The following NINL variants were observed in gnomAD, a reference collection of about 807,000 sequenced individuals.
The protein encoded by NINL is ninein-like protein.
NINL carries 153 observed loss-of-function variants against 160.3 expected under a neutral mutation model. The ratio of observed to expected loss-of-function variants is 0.95; its 90% CI spans 0.84 to 1.09. The LOEUF (loss-of-function observed/expected upper bound fraction) is 1.09, where lower values mean the gene tolerates loss of function less well. Among genes scored for constraint, NINL ranks in the 50% least tolerant of loss-of-function variants. NINL has a pLI of 0.00. For missense variants in NINL, 1,829 were observed against 1,764.0 expected, an observed-to-expected ratio of 1.04 and a Z score of -0.66; for synonymous variants, 800 against 734.8, an observed-to-expected ratio of 1.09 and a Z score of -1.43.
chr20:25,490,219 C>CT (rs2063596475), intron 11 of NINL, among the ~76,000 whole-genome samples: 1 of 152,230 alleles, frequency 6.6e-6, no homozygotes, highest in Non-Finnish European at 1.5e-5. Flanking sequence ...CTTCACTTCT[C>CT]TTGTCCCCTC....
chr20:25,554,487 C>T (rs1427111550), intron 1 of NINL, among the ~76,000 whole-genome samples: 1 of 151,924 alleles, frequency 6.6e-6, no homozygotes, highest in Non-Finnish European at 1.5e-5. Context: ...ACAATTTATA[C>T]AAAACCTATG....
At position 25,482,083 on chromosome 20, in the gene NINL, G is replaced by A. The variant is rs146051096; in HGVS notation, c.1695C>T (p.Asn565=). The change falls in exon 14 of 24, where the codon AAC becomes AAT. Residue 565 remains asparagine, a synonymous_variant. Coordinates refer to ENST00000278886, the MANE Select transcript of NINL (RefSeq NM_025176.6). The stretch of plus-strand genomic sequence containing the variant: ...CTTCCAGCTCAGCTTGCAGCTCATC[G>A]TTGCGGTCCTGCAGGTCCTGTGGGG... The part of the protein sequence containing the change: ...ELKCRDLQDR[N]DELQAELEGL... 13 of 1,597,908 alleles carry A rather than the reference G, an allele frequency of 8.1e-6. No individual in the cohort carries two copies. Among genetic ancestry groups the A allele is most frequent in the Middle Eastern group, 1.8e-4 (1 of 5,678 alleles).
At position 25,466,819 on chromosome 20, in the gene NINL, T is replaced by G. The variant is rs140111415; in HGVS notation, c.3423+570A>C. 2.2e-3 allele frequency among the ~76,000 whole-genome samples: 334 copies of G among 150,488 alleles called. 3 individuals carry two copies. The highest frequency in any genetic ancestry group is 7.7e-3 in the African/African-American group (313 of 40,864). The stretch of plus-strand genomic sequence containing the variant: ...TGTCTCAAAAAAAACCCCCAAAATT[T>G]GGGGAGTGTCCAGGCAGTGTTTGAC... On this transcript the variant is annotated intron_variant, in intron 19 of 23. Transcript: ENST00000278886.
chr20:25,470,262 G>A (rs535217767), intron 17 of NINL, among the ~76,000 whole-genome samples, 167 bp from the exon 18 acceptor site: 34 of 152,266 alleles, frequency 2.2e-4, no homozygotes, highest in African/African-American at 7.5e-4. Context: ...AGGTGTTAAC[G>A]TCTTACATCT....
Position 25,476,889 on chromosome 20 carries a change from G to T in NINL, c.2402C>A (p.Ser801Ter). The change falls in exon 17 of 24, where the codon TCG (serine) becomes TAG (stop). Residue 801 changes from serine (S) to a stop codon, truncating the protein, a stop_gained. Coordinates refer to ENST00000278886, the MANE Select transcript of NINL (RefSeq NM_025176.6). LOFTEE classifies it high-confidence loss of function. ...CAACTCCTCCTCCTCGAGGGCCAAC[G>T]ATACGCACATCTGGGCGCGCTTCTC... ...ASEKRAQMCV[S>*]LALEEEELEL... The T allele has an allele frequency of 6.2e-7, 1 of 1,613,318 alleles. No individual in the cohort carries two copies. The highest frequency in any genetic ancestry group is 8.5e-7 in the Non-Finnish European group (1 of 1,179,912).
chr20:25,529,418 A>G (rs925698941), intron 1 of NINL, among the ~76,000 whole-genome samples: 3 of 152,234 alleles, frequency 2.0e-5, no homozygotes, highest in African/African-American at 7.2e-5. Context: ...ACCGGTTCAT[A>G]GTCTCAGAGG....
intron 8 of NINL, chr20:25,498,861 C>T (rs1199181045): frequency 5.1e-6 from 5 of 980,400 alleles, no homozygotes; most frequent in Non-Finnish European, 4.8e-6. Flanking sequence ...TTCCTCCCCA[C>T]AGAAATGTGA....
chr20:25,458,758 A>G (rs2090759933), intron 21 of NINL: 5 of 509,914 alleles, frequency 9.8e-6, no homozygotes, highest in Non-Finnish European at 1.7e-5. Flanking sequence ...AAACATGTCC[A>G]TCACCCTCAA....
chr20:25,582,872 G>C (rs1183854177), intron 1 of NINL, among the ~76,000 whole-genome samples: 1 of 151,948 alleles, frequency 6.6e-6, no homozygotes, highest in Non-Finnish European at 1.5e-5. Context: ...ACAAAAACAA[G>C]CAATGGGGAA....
At chr20:25,481,907 T>C (rs1462679959) in intron 14 of NINL, 61 bp downstream of exon 14, 53 of 1,568,140 alleles carry the variant, frequency 3.4e-5, no homozygotes, top group Non-Finnish European at 4.5e-5. Flanking sequence ...TTTTCCTGGC[T>C]CTGGGCCTTG....
At chr20:25,473,480 A>G (rs2063153688) in intron 17 of NINL, among the ~76,000 whole-genome samples, 1 of 138,252 alleles carries the variant, frequency 7.2e-6, no homozygotes, top group Non-Finnish European at 1.5e-5. Flanking sequence ...AAAATATAAA[A>G]TAAAATAATA....
chr20:25,496,808 C>T lies in NINL; in HGVS notation c.1170-5G>A, dbSNP rs765912683. On this transcript the variant is annotated splice_region_variant and splice_polypyrimidine_tract_variant and intron_variant, in intron 9 of 23. Transcript: ENST00000278886. ...GCCAGCTGCTCCACCTGCCCTCTGC[C>T]ACAGGAAGGAGACAGGGTCAGATGG... 1.9e-6 allele frequency: 3 copies of T among 1,613,526 alleles called. No individual in the cohort carries two copies. The highest frequency in any genetic ancestry group is 2.5e-6 in the Non-Finnish European group (3 of 1,179,802).
intron 1 of NINL, among the ~76,000 whole-genome samples, chr20:25,560,914 C>T (rs1183649388): frequency 2.6e-5 from 4 of 152,190 alleles, no homozygotes; most frequent in African/African-American, 9.6e-5. Context: ...AAATTTGCCA[C>T]CAACAGACCT....
intron 10 of NINL, among the ~76,000 whole-genome samples, chr20:25,494,365 A>G (rs1161435681): frequency 6.6e-6 from 1 of 151,448 alleles, no homozygotes; most frequent in African/African-American, 2.4e-5. Flanking sequence ...ATACACTCAC[A>G]GCACCCACAT....
chr20:25,461,460 T>A, intron 21 of NINL, 62 bp downstream of exon 21: 1 of 987,980 alleles, frequency 1.0e-6, no homozygotes, highest in East Asian at 2.5e-5. Flanking sequence ...CCGTTGGCAC[T>A]GCGGTGATGC....
chr20:25,517,666 G>T, intron 3 of NINL, 87 bp downstream of exon 3: 1 of 1,031,194 alleles, frequency 9.7e-7, no homozygotes, highest in Non-Finnish European at 1.4e-6. Flanking sequence ...TCAGTTTTCA[G>T]AACTGCTGGA....
At chr20:25,531,196 G>T (rs2064453046) in intron 1 of NINL, among the ~76,000 whole-genome samples, 1 of 152,144 alleles carries the variant, frequency 6.6e-6, no homozygotes, top group South Asian at 2.1e-4. Context: ...GCTCACAGGT[G>T]GTCAGAGTTT....
intron 10 of NINL, among the ~76,000 whole-genome samples, chr20:25,494,786 C>G (rs2063718287): frequency 6.6e-6 from 1 of 152,152 alleles, no homozygotes; most frequent in African/African-American, 2.4e-5. Flanking sequence ...TTAGAGCTGG[C>G]CCCGGACTGT....
chr20:25,560,141 G>A (rs748086864), intron 1 of NINL, among the ~76,000 whole-genome samples: 3 of 152,006 alleles, frequency 2.0e-5, no homozygotes, highest in Non-Finnish European at 4.4e-5. Context: ...ACAGGGTCTT[G>A]CCTTGTTGCC....
Sources: gnomAD v4.1 joint callset for allele counts (sites outside exome capture counted in the v4.1 genomes callset) on GRCh38, gnomAD v4.1.1 for gene constraint, MANE v1.5 for transcripts, NCBI Gene and HGNC (gene_info 2026-07-23, HGNC 2026-07-21) for gene names.